The following DOCK3 variants were observed in gnomAD, a reference collection of about 807,000 sequenced individuals.
DOCK3 encodes dedicator of cytokinesis protein 3.
A neutral mutation model predicts 265.6 loss-of-function variants in DOCK3; 60 were observed. That is an observed-to-expected ratio of 0.23 (90% CI 0.18 to 0.28). The LOEUF (loss-of-function observed/expected upper bound fraction) is 0.28, where lower values mean the gene tolerates loss of function less well. DOCK3 is among the 10% of genes least tolerant of loss of function. The pLI is 1.00. For synonymous variants in DOCK3, 881 were observed against 938.0 expected, an observed-to-expected ratio of 0.94 and a Z score of 1.11; for missense variants, 1,981 against 2,594.3, an observed-to-expected ratio of 0.76 and a Z score of 5.14.
intron 12 of DOCK3, among the ~76,000 whole-genome samples, chr3:51,176,390 G>A (rs2086953588): frequency 6.6e-6 from 1 of 152,168 alleles, no homozygotes; most frequent in Admixed American, 6.5e-5. Context: ...GCCGAAGGCA[G>A]GCAGACCACG....
chr3:50,965,349 A>C (rs2076997996), intron 5 of DOCK3, among the ~76,000 whole-genome samples: 2 of 152,120 alleles, frequency 1.3e-5, no homozygotes, highest in Admixed American at 1.3e-4. Context: ...GAATGATCTC[A>C]GTGACCTCAG....
intron 22 of DOCK3, among the ~76,000 whole-genome samples, chr3:51,248,826 A>G (rs183762676): frequency 0.91 from 128,316 of 141,384 alleles, 58,280 homozygotes; most frequent in African/African-American, 0.95. Context: ...TGGGATGTGG[A>G]GAGCACCTCT....
intron 21 of DOCK3, among the ~76,000 whole-genome samples, chr3:51,242,367 A>G (rs1038868211): frequency 4.6e-5 from 7 of 152,144 alleles, no homozygotes; most frequent in Admixed American, 3.9e-4. Context: ...AAAGTGGTTC[A>G]TAGTGCAGTG....
At chr3:50,967,226 GA>G (rs2077060023) in intron 5 of DOCK3, among the ~76,000 whole-genome samples, 6 of 152,062 alleles carry the variant, frequency 3.9e-5, no homozygotes, top group Non-Finnish European at 8.8e-5. Flanking sequence ...GCCTCCATGA[GA>G]TCCACTTTTT....
At chr3:50,967,901 AGT>A (rs1014332352) in intron 5 of DOCK3, among the ~76,000 whole-genome samples, 2 of 152,322 alleles carry the variant, frequency 1.3e-5, no homozygotes, top group African/African-American at 4.8e-5. Context: ...AATACCCAGT[AGT>A]GTGATTGCTG....
chr3:50,727,429 G>A (rs1295050210), intron 1 of DOCK3, among the ~76,000 whole-genome samples: 2 of 152,190 alleles, frequency 1.3e-5, no homozygotes, highest in Non-Finnish European at 2.9e-5. Flanking sequence ...CAGGTGTGGT[G>A]GCTCACGCCT....
intron 49 of DOCK3, among the ~76,000 whole-genome samples, chr3:51,371,961 A>G (rs1462466939): frequency 6.6e-6 from 1 of 152,168 alleles, no homozygotes; most frequent in African/African-American, 2.4e-5. Flanking sequence ...TATGGGTTTG[A>G]TGTTACTGAG....
intron 1 of DOCK3, among the ~76,000 whole-genome samples, chr3:50,746,278 TG>T (rs2108273874): frequency 6.6e-6 from 1 of 152,102 alleles, no homozygotes; most frequent in Admixed American, 6.5e-5. Context: ...GGCTAATTTT[TG>T]TATTTTTAGT....
intron 4 of DOCK3, among the ~76,000 whole-genome samples, chr3:50,913,094 C>G (rs984864686): frequency 6.6e-6 from 1 of 152,168 alleles, no homozygotes; most frequent in Admixed American, 6.5e-5. Flanking sequence ...GATTCTCACC[C>G]AAGGCCCTTG....
At chr3:50,995,334 T>C (rs1397181045) in intron 5 of DOCK3, among the ~76,000 whole-genome samples, 1 of 152,224 alleles carries the variant, frequency 6.6e-6, no homozygotes. Context: ...GTTTAATCAG[T>C]GCCACTTACA....
intron 14 of DOCK3, among the ~76,000 whole-genome samples, chr3:51,223,119 GT>G (rs1484487851): frequency 6.6e-6 from 1 of 152,050 alleles, no homozygotes; most frequent in Non-Finnish European, 1.5e-5. Flanking sequence ...TAAAAAATTT[GT>G]TTTGAAGAGC....
chr3:50,914,321 A>G (rs1178708119), intron 4 of DOCK3, among the ~76,000 whole-genome samples: 1 of 151,520 alleles, frequency 6.6e-6, no homozygotes, highest in Non-Finnish European at 1.5e-5. Flanking sequence ...TACTTTTTTT[A>G]TATTGGCATT....
intron 27 of DOCK3, among the ~76,000 whole-genome samples, chr3:51,298,590 CTA>C (rs921374256): frequency 3.9e-5 from 6 of 152,062 alleles, no homozygotes; most frequent in African/African-American, 1.4e-4. Flanking sequence ...ACGCCCCAGT[CTA>C]TGTTGTTTTC....
At chr3:51,126,872 G>A (rs1423717085) in intron 9 of DOCK3, among the ~76,000 whole-genome samples, 1 of 152,042 alleles carries the variant, frequency 6.6e-6, no homozygotes, top group Non-Finnish European at 1.5e-5. Context: ...CAGGTATTAA[G>A]CCTAGTATCC....
intron 5 of DOCK3, among the ~76,000 whole-genome samples, chr3:50,934,845 TA>T (rs1368743633): frequency 6.6e-6 from 1 of 152,114 alleles, no homozygotes; most frequent in Non-Finnish European, 1.5e-5. Flanking sequence ...ATATCTACAC[TA>T]AAAGTAAGTG....
At chr3:50,814,329 C>T (rs1336859266) in intron 2 of DOCK3, among the ~76,000 whole-genome samples, 1 of 152,028 alleles carries the variant, frequency 6.6e-6, no homozygotes, top group Non-Finnish European at 1.5e-5. Context: ...TTCAGTGGAG[C>T]AATCTAAGCT....
intron 3 of DOCK3, among the ~76,000 whole-genome samples, chr3:50,856,034 G>A (rs1307595476): frequency 6.6e-6 from 1 of 152,182 alleles, no homozygotes; most frequent in Non-Finnish European, 1.5e-5. Flanking sequence ...TTTTATGGCT[G>A]CATAGTATTC....
At chr3:51,039,356 A>T (rs1223946868) in intron 5 of DOCK3, among the ~76,000 whole-genome samples, 1 of 152,078 alleles carries the variant, frequency 6.6e-6, no homozygotes, top group Non-Finnish European at 1.5e-5. Context: ...AAGTTCTGAG[A>T]TAAACATCCT....
At chr3:51,170,014 T>A (rs1486585884) in intron 12 of DOCK3, among the ~76,000 whole-genome samples, 1 of 152,174 alleles carries the variant, frequency 6.6e-6, no homozygotes, top group African/African-American at 2.4e-5. Flanking sequence ...ATATCTAAAA[T>A]CTGAAATGCT....
Sources: allele counts gnomAD v4.1 joint callset (sites outside exome capture counted in the v4.1 genomes callset), GRCh38; gene constraint gnomAD v4.1.1; transcripts MANE v1.5; gene names NCBI Gene and HGNC (gene_info 2026-07-23, HGNC 2026-07-21).